PAPPA2: variants seen among roughly 807,000 people sequenced by gnomAD.
PAPPA2 encodes the protein pappalysin-2.
In PAPPA2, 86 loss-of-function variants were observed where a neutral mutation model predicts 176.4. That is an observed-to-expected ratio of 0.49 (90% CI 0.41 to 0.58). The LOEUF (loss-of-function observed/expected upper bound fraction) is 0.58, where lower values mean the gene tolerates loss of function less well. Ranked by LOEUF, PAPPA2 falls within the 20% of genes least tolerant of loss-of-function variation. The pLI is 0.00. For synonymous variants in PAPPA2, 809 were observed against 852.2 expected (o/e 0.95, Z 0.88); for missense variants, 2,073 against 2,256.9 (o/e 0.92, Z 1.65).
chr1:176,633,920 G>A (rs375869729), intron 3 of PAPPA2, among the ~76,000 whole-genome samples: 18 of 152,222 alleles, frequency 1.2e-4, no homozygotes, highest in African/African-American at 2.9e-4. Flanking sequence ...TTAGAATGGC[G>A]ATCATTAAAA....
At chr1:176,526,048 T>C (rs1649486129) in intron 1 of PAPPA2, among the ~76,000 whole-genome samples, 1 of 152,210 alleles carries the variant, frequency 6.6e-6, no homozygotes, top group African/African-American at 2.4e-5. Flanking sequence ...TGCCTCACTA[T>C]ACCCTGTTGC....
intron 3 of PAPPA2, among the ~76,000 whole-genome samples, chr1:176,612,012 G>A (rs757888241): frequency 1.3e-5 from 2 of 152,064 alleles, no homozygotes; most frequent in Non-Finnish European, 2.9e-5. Context: ...CTTTTTGCAG[G>A]TAGGACTTAA....
intron 18 of PAPPA2, 52 bp downstream of exon 18, chr1:176,790,029 T>G (rs780388604): frequency 1.3e-6 from 2 of 1,562,320 alleles, no homozygotes; most frequent in East Asian, 2.3e-5. Flanking sequence ...CTAATCTTGA[T>G]GCCCAATCCA....
chr1:176,524,144 G>GTTTTCAGACTTT (rs1649348983), intron 1 of PAPPA2, among the ~76,000 whole-genome samples: 1 of 151,988 alleles, frequency 6.6e-6, no homozygotes, highest in South Asian at 2.1e-4. Context: ...CAGCACTGTC[G>GTTTTCAGACTTT]TTTTCAGACT....
At chr1:176,498,803 A>T (rs1390749976) in intron 1 of PAPPA2, among the ~76,000 whole-genome samples, 1 of 151,630 alleles carries the variant, frequency 6.6e-6, no homozygotes, top group African/African-American at 2.4e-5. Context: ...GCTGGCTTCC[A>T]TGCTTTCTGG....
At chr1:176,811,401 C>T (rs965774048) in intron 21 of PAPPA2, among the ~76,000 whole-genome samples, 7 of 152,134 alleles carry the variant, frequency 4.6e-5, no homozygotes, top group Admixed American at 1.3e-4. Context: ...ATCATTCCTT[C>T]CCTGTTTCTC....
At chr1:176,623,104 A>G (rs1382020579) in intron 3 of PAPPA2, among the ~76,000 whole-genome samples, 1 of 152,130 alleles carries the variant, frequency 6.6e-6, no homozygotes, top group African/African-American at 2.4e-5. Flanking sequence ...CAACACAGGA[A>G]ATTTGGAAAG....
chr1:176,582,311 T>C (rs1653035162), intron 2 of PAPPA2, among the ~76,000 whole-genome samples: 1 of 152,214 alleles, frequency 6.6e-6, no homozygotes, highest in Non-Finnish European at 1.5e-5. Flanking sequence ...TTTTGTTTTC[T>C]TCTCTTGCCT....
intron 2 of PAPPA2, among the ~76,000 whole-genome samples, chr1:176,573,388 C>T (rs1165632368): frequency 1.3e-5 from 2 of 152,132 alleles, no homozygotes; most frequent in Non-Finnish European, 2.9e-5. Flanking sequence ...TCTAGATGCC[C>T]ATTATGGAAA....
chr1:176,496,881 G>A (rs1182711687), intron 1 of PAPPA2, among the ~76,000 whole-genome samples: 3 of 152,168 alleles, frequency 2.0e-5, no homozygotes, highest in Non-Finnish European at 2.9e-5. Flanking sequence ...TTACTCAAGA[G>A]TAACATGAGT....
At chr1:176,520,110 A>G (rs906498533) in intron 1 of PAPPA2, among the ~76,000 whole-genome samples, 1 of 152,198 alleles carries the variant, frequency 6.6e-6, no homozygotes, top group Admixed American at 6.5e-5. Context: ...TTGTAGCATT[A>G]CCAGTTTTGT....
rs765891514 is a variant in PAPPA2, at chr1:176,690,274, A to G, written c.2275A>G (p.Lys759Glu). Reference protein sequence around the residue: ...SERESCNDPCKETVPSMETGD... With the variant: ...SERESCNDPCEETVPSMETGD... ...AAGAGAATCCTGCAATGACCCCTGC[A>G]AGGAGACAGTGCCATCCATGGAAAC... Residue 759 changes from lysine to glutamate, a missense_variant, in exon 5 of 23, where the codon AAG (lysine) becomes GAG (glutamate). This residue lies in a region of PAPPA2 where 1,196 missense variants were observed against 1,330.4 expected (regional missense o/e 0.90). Transcript: ENST00000367662. The G allele has an allele frequency of 6.2e-7, 1 of 1,614,126 alleles. No homozygotes were observed. The highest frequency in any genetic ancestry group is 8.5e-7 in the Non-Finnish European group (1 of 1,180,000).
intron 14 of PAPPA2, among the ~76,000 whole-genome samples, chr1:176,745,422 T>A (rs985772391): frequency 6.6e-6 from 1 of 152,146 alleles, no homozygotes; most frequent in African/African-American, 2.4e-5. Context: ...TAGCATCCCA[T>A]ATCCCAATGA....
At position 176,828,916 on chromosome 1, in the gene PAPPA2, T is replaced by C. The variant is rs528818203; in HGVS notation, c.5203-11257T>C. Among the ~76,000 whole-genome samples, 122 of 152,000 alleles carry C rather than the reference T, an allele frequency of 8.0e-4. 2 individuals carry two copies. The highest frequency in any genetic ancestry group is 2.9e-3 in the African/African-American group (121 of 41,444). The stretch of plus-strand genomic sequence containing the variant: ...TACTTGGGAGGCTGAGGCAGGAGAA[T>C]CTTTTGAACCCAGGAGATGGAGGTT... On this transcript the variant is annotated intron_variant, in intron 21 of 22. Transcript: ENST00000367662.
At chr1:176,554,375 G>T (rs982831582) in intron 1 of PAPPA2, among the ~76,000 whole-genome samples, 18 of 152,150 alleles carry the variant, frequency 1.2e-4, no homozygotes, top group South Asian at 2.1e-4. Context: ...CTACTGTTTT[G>T]TACCACCTGT....
intron 2 of PAPPA2, among the ~76,000 whole-genome samples, chr1:176,557,805 G>T (rs911864322): frequency 6.6e-6 from 1 of 152,136 alleles, no homozygotes; most frequent in Non-Finnish European, 1.5e-5. Flanking sequence ...CCTCCACTTT[G>T]TCACAACAAT....
intron 2 of PAPPA2, 74 bp downstream of exon 2, chr1:176,557,315 G>C: frequency 6.8e-7 from 1 of 1,461,364 alleles, no homozygotes; most frequent in East Asian, 2.5e-5. Flanking sequence ...TTAGACATAG[G>C]GAGCGAGGAT....
intron 1 of PAPPA2, among the ~76,000 whole-genome samples, chr1:176,503,620 A>G (rs1648087808): frequency 6.6e-6 from 1 of 152,120 alleles, no homozygotes; most frequent in African/African-American, 2.4e-5. Context: ...AAAACTCAGA[A>G]CTTCTTAGTT....
intron 2 of PAPPA2, among the ~76,000 whole-genome samples, chr1:176,567,000 A>C (rs1053973697): frequency 6.6e-6 from 1 of 152,176 alleles, no homozygotes; most frequent in Non-Finnish European, 1.5e-5. Context: ...TCTTGAGTAC[A>C]TGGAATTAAC....
Sources: gnomAD v4.1 joint callset for allele counts (sites outside exome capture counted in the v4.1 genomes callset) on GRCh38, gnomAD v4.1.1 for gene constraint, gnomAD v4.1.1 regional missense constraint, MANE v1.5 for transcripts, NCBI Gene and HGNC (gene_info 2026-07-23, HGNC 2026-07-21) for gene names.